ST18: variants seen among roughly 807,000 people sequenced by gnomAD.
ST18 encodes suppression of tumorigenicity 18 protein.
A neutral mutation model predicts 110.0 loss-of-function variants in ST18; 50 were observed. The observed-to-expected ratio is 0.45, with a 90% confidence interval of 0.36 to 0.58. The LOEUF (loss-of-function observed/expected upper bound fraction) is 0.58, where lower values mean the gene tolerates loss of function less well. Ranked by LOEUF, ST18 falls within the 20% of genes least tolerant of loss-of-function variation. The pLI, the probability that ST18 is intolerant of heterozygous loss-of-function variation, is 0.00. For synonymous variants in ST18, 461 were observed against 452.4 expected (o/e 1.02, Z -0.24); for missense variants, 1,306 against 1,280.1 (o/e 1.02, Z -0.31).
chr8:52,191,972 C>A (rs1257694271), intron 8 of ST18, among the ~76,000 whole-genome samples: 1 of 152,072 alleles, frequency 6.6e-6, no homozygotes, highest in Non-Finnish European at 1.5e-5. Context: ...CACTGAAGGG[C>A]ATTTACCAGA....
chr8:52,212,264 G>A (rs2082445155), intron 7 of ST18, among the ~76,000 whole-genome samples, 155 bp from the exon 8 acceptor site: 1 of 152,152 alleles, frequency 6.6e-6, no homozygotes, highest in African/African-American at 2.4e-5. Flanking sequence ...GAGATGAGAG[G>A]ACAGATGGAT....
At chr8:52,339,421 A>G (rs562521813) in intron 2 of ST18, among the ~76,000 whole-genome samples, 4 of 152,362 alleles carry the variant, frequency 2.6e-5, no homozygotes, top group South Asian at 4.1e-4. Context: ...CGACTGTACC[A>G]CACGACAAAA....
rs1257460886 is a variant in ST18 at position 52,132,097 on chromosome 8, C to G, written c.2527G>C (p.Ala843Pro). Reference protein sequence around the residue: ...SHRTASGCPLAAKRQKENPLN... With the variant: ...SHRTASGCPLPAKRQKENPLN... Reference sequence around the variant, plus strand: ...GGATTCTCCTTCTGTCTCTTGGCAGCCAGAGGACAGCCAGAAGCTGTGCGG... The same window carrying G: ...GGATTCTCCTTCTGTCTCTTGGCAGGCAGAGGACAGCCAGAAGCTGTGCGG... The change falls in exon 22 of 26, where the codon GCT (alanine) becomes CCT (proline). Residue 843 changes from alanine to proline, a missense_variant. Coordinates refer to ENST00000689386, the MANE Select transcript of ST18 (RefSeq NM_001352837.2). 6.2e-7 allele frequency: 1 copy of G among 1,614,182 alleles called. No homozygotes were observed.
chr8:52,140,920 A>G (rs986055668), intron 17 of ST18, among the ~76,000 whole-genome samples: 34 of 152,204 alleles, frequency 2.2e-4, no homozygotes, highest in Admixed American at 1.4e-3. Flanking sequence ...ACAAAGATGA[A>G]AAGTTTCAAA....
At position 52,332,511 on chromosome 8, in the gene ST18, C is replaced by T. The variant is rs573585377; in HGVS notation, c.-465+76817G>A. 2.0e-5 allele frequency among the ~76,000 whole-genome samples: 3 copies of T among 148,882 alleles called. No individual in the cohort carries two copies. The East Asian group carries it at 5.9e-4, about 29-fold the overall frequency. Reference sequence around the variant, plus strand: ...TGTTAAAGATACTACTTCCACTTTCCCAAGAGCATCTAATGTAGCTTTTTT... The same window carrying T: ...TGTTAAAGATACTACTTCCACTTTCTCAAGAGCATCTAATGTAGCTTTTTT... On this transcript the variant is annotated intron_variant, in intron 2 of 25. Coordinates refer to ENST00000689386, the MANE Select transcript of ST18 (RefSeq NM_001352837.2).
At chr8:52,180,382 T>A in intron 8 of ST18, 70 bp from the exon 9 acceptor site, 1 of 1,561,750 alleles carries the variant, frequency 6.4e-7, no homozygotes, top group Non-Finnish European at 8.7e-7. Flanking sequence ...TTAACTTTCA[T>A]GAAGTCTAAC....
intron 15 of ST18, among the ~76,000 whole-genome samples, chr8:52,152,251 T>G (rs2132613496): frequency 6.6e-6 from 1 of 152,284 alleles, no homozygotes; most frequent in South Asian, 2.1e-4. Context: ...TGCCCATAGA[T>G]AGGCGATCAC....
intron 2 of ST18, among the ~76,000 whole-genome samples, chr8:52,241,958 T>C (rs2093445814): frequency 6.6e-6 from 1 of 152,138 alleles, no homozygotes; most frequent in African/African-American, 2.4e-5. Context: ...CAAACATGTA[T>C]ACATTTCTCA....
At chr8:52,323,267 G>A (rs571242197) in intron 2 of ST18, among the ~76,000 whole-genome samples, 1 of 152,290 alleles carries the variant, frequency 6.6e-6, no homozygotes, top group South Asian at 2.1e-4. Context: ...TGTTCCATTT[G>A]ATCTGTTTTT....
intron 2 of ST18, among the ~76,000 whole-genome samples, chr8:52,311,604 G>T: frequency 6.6e-6 from 1 of 152,170 alleles, no homozygotes; most frequent in Non-Finnish European, 1.5e-5. Context: ...CTGCATGGCT[G>T]GAAAAGCCTC....
At chr8:52,336,954 T>A (rs6473704) in intron 2 of ST18, among the ~76,000 whole-genome samples, 2 of 152,202 alleles carry the variant, frequency 1.3e-5, no homozygotes, top group Non-Finnish European at 2.9e-5. Flanking sequence ...ATTTTTTCTA[T>A]GCTTAAAATA....
chr8:52,302,509 T>C (rs887742442), intron 2 of ST18, among the ~76,000 whole-genome samples: 1 of 152,172 alleles, frequency 6.6e-6, no homozygotes, highest in African/African-American at 2.4e-5. Flanking sequence ...TCCACAGCAG[T>C]GGGCACACCA....
intron 8 of ST18, among the ~76,000 whole-genome samples, chr8:52,207,853 C>T (rs2080652366): frequency 6.6e-6 from 1 of 152,150 alleles, no homozygotes; most frequent in Admixed American, 6.5e-5. Flanking sequence ...AAACACTTTG[C>T]CAATGCAAGA....
In ST18 at chr8:52,178,645, C is replaced by CAAAAAAAAAAAA. The variant is rs1563897561; in HGVS notation, c.277+1476_277+1477insTTTTTTTTTTTT. On this transcript the variant is annotated intron_variant, in intron 9 of 25. Transcript: ENST00000689386. ...AAAAAAAAAAAAAAAAAAAAAAAAC[C>CAAAAAAAAAAAA]ACCAAAAACCAAAATAAAACAAACA... Among the ~76,000 whole-genome samples, 34 of 30,098 alleles carry CAAAAAAAAAAAA rather than the reference C, an allele frequency of 1.1e-3. 4 individuals are homozygous for CAAAAAAAAAAAA. The highest frequency in any genetic ancestry group is 4.9e-3 in the African/African-American group (29 of 5,940). The allele number at this position is 30,098 out of a possible 152,430, so 19.7% of individuals were successfully genotyped here. A position where few individuals can be genotyped will look rare whatever the true frequency, so the allele number is the denominator to read the frequency against.
At position 52,361,765 on chromosome 8, in the gene ST18, TA is replaced by T. The variant is rs549876809; in HGVS notation, c.-465+47562del. 3.5e-3 allele frequency among the ~76,000 whole-genome samples: 526 copies of T among 152,338 alleles called. 3 individuals carry two copies. Among genetic ancestry groups the T allele is most frequent in the African/African-American group, 0.012 (515 of 41,578 alleles). On this transcript the variant is annotated intron_variant, in intron 2 of 25. Transcript: ENST00000689386. ...TCTAAGAACAAATGTTTTAATTATT[TA>T]AAAAATGCGTTTGGGATCATGCTGA...
At chr8:52,218,305 G>A (rs542623524) in intron 5 of ST18, among the ~76,000 whole-genome samples, 16 of 151,662 alleles carry the variant, frequency 1.1e-4, no homozygotes, top group Non-Finnish European at 1.9e-4. Context: ...TTTTGAGGGC[G>A]CTTTCTGAAA....
At chr8:52,327,905 G>T (rs1362419121) in intron 2 of ST18, among the ~76,000 whole-genome samples, 1 of 152,178 alleles carries the variant, frequency 6.6e-6, no homozygotes, top group Non-Finnish European at 1.5e-5. Flanking sequence ...CTCAATAGGA[G>T]ACTCAGCTAT....
At chr8:52,161,719 G>A (rs952405530) in intron 13 of ST18, 151 bp from the exon 14 acceptor site, 2 of 889,392 alleles carry the variant, frequency 2.2e-6, no homozygotes, top group African/African-American at 3.4e-5. Context: ...TGGCAGGACA[G>A]AGCAGCATGC....
intron 2 of ST18, among the ~76,000 whole-genome samples, chr8:52,306,563 C>T (rs1229444800): frequency 4.6e-5 from 7 of 152,110 alleles, no homozygotes; most frequent in Non-Finnish European, 8.8e-5. Context: ...AAAGGGAAAT[C>T]CATGAAAGAT....
Sources: gnomAD v4.1 joint callset for allele counts (sites outside exome capture counted in the v4.1 genomes callset) on GRCh38, gnomAD v4.1.1 for gene constraint, MANE v1.5 for transcripts, NCBI Gene and HGNC (gene_info 2026-07-23, HGNC 2026-07-21) for gene names.